ARHGAP18: variants seen among roughly 807,000 people sequenced by gnomAD.
The protein encoded by ARHGAP18 is rho GTPase-activating protein 18.
Under a neutral mutation model 86.2 loss-of-function variants are expected in ARHGAP18, and 67 were observed. That is an observed-to-expected ratio of 0.78 (90% CI 0.64 to 0.95). The LOEUF (loss-of-function observed/expected upper bound fraction) is 0.95, where lower values mean the gene tolerates loss of function less well. Ranked by LOEUF, ARHGAP18 falls within the 40% of genes least tolerant of loss-of-function variation. The probability of loss-of-function intolerance (pLI) is 0.00; values close to 1 mark genes in which losing one functional copy is unlikely to be tolerated. For missense variants in ARHGAP18, 691 were observed against 780.4 expected (o/e 0.89, Z 1.37); for synonymous variants, 283 against 280.4 (o/e 1.01, Z -0.09).
intron 1 of ARHGAP18, among the ~76,000 whole-genome samples, chr6:129,657,583 AC>A (rs1185433846): frequency 6.6e-6 from 1 of 152,198 alleles, no homozygotes; most frequent in African/African-American, 2.4e-5. Context: ...ACACAGGGCA[AC>A]CATCTGCATC....
At chr6:129,599,423 AATT>A in intron 11 of ARHGAP18, 67 bp from the exon 12 acceptor site, 1 of 1,302,804 alleles carries the variant, frequency 7.7e-7, no homozygotes, top group Non-Finnish European at 1.0e-6. Context: ...TACAAAAAAA[AATT>A]ATATTTTTTT....
chr6:129,640,650 T>C (rs1294920317), intron 2 of ARHGAP18, among the ~76,000 whole-genome samples: 1 of 152,230 alleles, frequency 6.6e-6, no homozygotes, highest in Non-Finnish European at 1.5e-5. Flanking sequence ...TTTCAAGCAA[T>C]GTGTAGCCAA....
intron 1 of ARHGAP18, among the ~76,000 whole-genome samples, chr6:129,649,272 G>A (rs1237083556): frequency 3.3e-5 from 5 of 151,966 alleles, no homozygotes; most frequent in Non-Finnish European, 5.9e-5. Context: ...AATAAAAGTC[G>A]CGGCCAGGTG....
intron 1 of ARHGAP18, among the ~76,000 whole-genome samples, chr6:129,644,636 T>C (rs1025323042): frequency 5.3e-5 from 8 of 152,228 alleles, no homozygotes; most frequent in Non-Finnish European, 8.8e-5. Flanking sequence ...CTGTAAACTG[T>C]GTGAAGTATA....
At chr6:129,604,893 C>A (rs771813336) in intron 10 of ARHGAP18, among the ~76,000 whole-genome samples, 1 of 152,132 alleles carries the variant, frequency 6.6e-6, no homozygotes, top group Non-Finnish European at 1.5e-5. Flanking sequence ...TATTAATATT[C>A]ATTCCATGGG....
chr6:129,609,840 G>A (rs1376620188), intron 8 of ARHGAP18, among the ~76,000 whole-genome samples: 1 of 152,030 alleles, frequency 6.6e-6, no homozygotes, highest in Non-Finnish European at 1.5e-5. Flanking sequence ...TGTAGTAAGA[G>A]CCAAGGAGGC....
intron 1 of ARHGAP18, among the ~76,000 whole-genome samples, chr6:129,695,272 T>TC (rs397962775): frequency 1.6e-4 from 24 of 152,252 alleles, no homozygotes; most frequent in East Asian, 7.7e-4. Flanking sequence ...TATTTTTTTT[T>TC]CCCAGAAACT....
At chr6:129,610,789 G>A (rs1788962740) in intron 8 of ARHGAP18, among the ~76,000 whole-genome samples, 1 of 152,042 alleles carries the variant, frequency 6.6e-6, no homozygotes, top group Non-Finnish European at 1.5e-5. Context: ...CACCATGCCT[G>A]GATAATTTTT....
In ARHGAP18 at chr6:129,618,785, T is replaced by C. The variant is rs1789148759; in HGVS notation, c.854A>G (p.Lys285Arg). 1 of 1,613,748 alleles carries C rather than the reference T, an allele frequency of 6.2e-7. No individual in the cohort carries two copies. Among genetic ancestry groups the C allele is most frequent in the Non-Finnish European group, 8.5e-7 (1 of 1,179,920 alleles). ...RIGDLAPQDM[K>R]KVCHLALIEL... The stretch of plus-strand genomic sequence containing the variant: ...AATTAGGGCTAAATGGCAAACTTTC[T>C]TCATGTCCTGGGGTGCGAGGTCACC... Residue 285 changes from lysine (K) to arginine (R), a missense_variant, in exon 6 of 15, where the codon AAG (lysine) becomes AGG (arginine). Transcript: ENST00000368149.
chr6:129,596,626 C>T (rs539014134), intron 12 of ARHGAP18, among the ~76,000 whole-genome samples: 3 of 152,138 alleles, frequency 2.0e-5, no homozygotes, highest in African/African-American at 7.2e-5. Flanking sequence ...CCAGTAATTC[C>T]TGGCACACAG....
At chr6:129,609,255 G>C (rs1198499852) in intron 8 of ARHGAP18, among the ~76,000 whole-genome samples, 1 of 152,072 alleles carries the variant, frequency 6.6e-6, no homozygotes, top group Non-Finnish European at 1.5e-5. Flanking sequence ...CAACATTTTT[G>C]CATATTATCT....
chr6:129,637,774 C>A (rs1234236631), intron 3 of ARHGAP18, among the ~76,000 whole-genome samples: 2 of 152,214 alleles, frequency 1.3e-5, no homozygotes, highest in African/African-American at 2.4e-5. Context: ...TCTTCTTTGA[C>A]CACACGGTAG....
chr6:129,659,868 C>T (rs1476325262), intron 1 of ARHGAP18, among the ~76,000 whole-genome samples: 1 of 152,142 alleles, frequency 6.6e-6, no homozygotes, highest in Non-Finnish European at 1.5e-5. Flanking sequence ...TTGAAGGCTC[C>T]ACAGAAGAGT....
At chr6:129,598,984 C>T in intron 12 of ARHGAP18, 1 of 315,076 alleles carries the variant, frequency 3.2e-6, no homozygotes, top group Non-Finnish European at 5.8e-6. Flanking sequence ...TGATATCTTC[C>T]TTTGTTCCCC....
chr6:129,617,942 A>G (rs1430224716), intron 6 of ARHGAP18, among the ~76,000 whole-genome samples: 4 of 152,220 alleles, frequency 2.6e-5, no homozygotes, highest in African/African-American at 4.8e-5. Flanking sequence ...TCTAAGGTTA[A>G]ACAAGAGGAC....
chr6:129,642,836 T>C (rs1374906092), intron 1 of ARHGAP18, among the ~76,000 whole-genome samples: 10 of 152,186 alleles, frequency 6.6e-5, no homozygotes. Context: ...TGTTATAATC[T>C]ACTGTAGAAA....
chr6:129,698,557 G>A (rs1774658678), intron 1 of ARHGAP18, among the ~76,000 whole-genome samples: 2 of 150,846 alleles, frequency 1.3e-5, no homozygotes. Context: ...TTTGGGTTGG[G>A]AGGGGAACGT....
At chr6:129,624,852 G>A (rs886536486) in intron 5 of ARHGAP18, among the ~76,000 whole-genome samples, 5 of 149,670 alleles carry the variant, frequency 3.3e-5, no homozygotes, top group African/African-American at 1.2e-4. Context: ...GGCTGAGGCA[G>A]GAGAATTGCT....
intron 12 of ARHGAP18, among the ~76,000 whole-genome samples, chr6:129,586,452 G>T (rs6935166): frequency 0.28 from 41,840 of 151,576 alleles, 5,958 homozygotes; most frequent in South Asian, 0.4. Context: ...GGACTTGAAC[G>T]GCAGGCTAGA....
Sources: allele counts gnomAD v4.1 joint callset (sites outside exome capture counted in the v4.1 genomes callset), GRCh38; gene constraint gnomAD v4.1.1; transcripts MANE v1.5; gene names NCBI Gene and HGNC (gene_info 2026-07-23, HGNC 2026-07-21).